BMP2K: variants seen among roughly 807,000 people sequenced by gnomAD.
The protein encoded by BMP2K is BMP2 inducible kinase.
BMP2K carries 74 observed loss-of-function variants against 116.0 expected under a neutral mutation model. The observed-to-expected ratio is 0.64, with a 90% confidence interval of 0.53 to 0.77. The LOEUF is 0.77. Among genes scored for constraint, BMP2K ranks in the 30% least tolerant of loss-of-function variants. BMP2K has a pLI of 0.00. For missense variants in BMP2K, 1,365 were observed against 1,403.6 expected (o/e 0.97, Z 0.44); for synonymous variants, 486 against 502.5 (o/e 0.97, Z 0.44).
chr4:78,902,814 C>T (rs1222463534), intron 15 of BMP2K, among the ~76,000 whole-genome samples: 6 of 152,014 alleles, frequency 3.9e-5, no homozygotes, highest in African/African-American at 9.7e-5. Context: ...AAACATGCTT[C>T]TCTCTTCATA....
At chr4:78,809,510 T>A (rs1015560040) in intron 1 of BMP2K, among the ~76,000 whole-genome samples, 2 of 152,128 alleles carry the variant, frequency 1.3e-5, no homozygotes, top group Non-Finnish European at 1.5e-5. Context: ...CCTGAGTAGC[T>A]GGGACCACAG....
In BMP2K at chr4:78,912,079, G is replaced by A. The variant is rs375459273; in HGVS notation, c.*46G>A. 3.3e-5 allele frequency: 50 copies of A among 1,512,334 alleles called. No homozygotes were observed. Among genetic ancestry groups the A allele is most frequent in the Non-Finnish European group, 4.3e-5 (48 of 1,118,582 alleles). 93.7% of individuals were successfully genotyped at this position (1,512,334 alleles called of 1,614,324 possible). A position where few individuals can be genotyped will look rare whatever the true frequency, so the allele number is the denominator to read the frequency against. Reference sequence around the variant, plus strand: ...GCATTAACTCCTGTTTCAAAAAAGTGTGAACAGTTTTATGAATTTGAAAGA... The same window carrying A: ...GCATTAACTCCTGTTTCAAAAAAGTATGAACAGTTTTATGAATTTGAAAGA... On this transcript the variant is annotated 3_prime_UTR_variant, in exon 16 of 16. Transcript: ENST00000502613.
intron 7 of BMP2K, chr4:78,859,374 C>A: frequency 2.7e-6 from 1 of 369,910 alleles, no homozygotes; most frequent in Non-Finnish European, 4.8e-6. Context: ...TAGAGCTGTT[C>A]TGTGATTGAT....
At chr4:78,877,454 C>T (rs1167881970) in intron 13 of BMP2K, among the ~76,000 whole-genome samples, 1 of 152,014 alleles carries the variant, frequency 6.6e-6, no homozygotes, top group South Asian at 2.1e-4. Flanking sequence ...ACACACACAT[C>T]AGCCCGGGCC....
intron 9 of BMP2K, among the ~76,000 whole-genome samples, chr4:78,863,857 T>A (rs547703985): frequency 1.6e-4 from 24 of 152,306 alleles, no homozygotes; most frequent in Middle Eastern, 6.8e-3. Context: ...CCCCAGTTTC[T>A]ACCTGAAGCC....
Position 78,776,614 on chromosome 4 carries a change from G to A in BMP2K, c.71G>A (p.Gly24Asp), listed in dbSNP as rs960249287. ...GGCGGAGCGGCGGGTGGCGGGGCTG[G>A]CGGGGCCGGGGCCGGGGCCGGCTGC... ...SGGGAAGGGA[G>D]GAGAGAGCGS... Residue 24 changes from glycine to aspartate, a missense_variant, in exon 1 of 16, where the codon GGC becomes GAC. Physicochemically the swap from Gly to Asp is moderately conservative, Grantham distance 94 (BLOSUM62 -1). This residue lies in a region of BMP2K where 762 missense variants were observed against 756.7 expected (regional missense o/e 1.01). Transcript: ENST00000502613. The A allele has an allele frequency of 1.7e-5, 20 of 1,199,704 alleles. No individual in the cohort carries two copies. The highest frequency in any genetic ancestry group is 2.0e-5 in the Non-Finnish European group (19 of 963,938). The allele number at this position is 1,199,704 out of a possible 1,614,324, so 74.3% of individuals were successfully genotyped here.
chr4:78,858,687 C>G (rs1453231868), intron 7 of BMP2K, among the ~76,000 whole-genome samples: 3 of 151,720 alleles, frequency 2.0e-5, no homozygotes, highest in African/African-American at 7.3e-5. Flanking sequence ...TTAGATCTCT[C>G]TATACATTAT....
Position 78,865,593 on chromosome 4 carries a change from T to A in BMP2K, c.1104T>A (p.Ile368=), listed in dbSNP as rs770369400. Residue 368 remains isoleucine, a synonymous_variant, in exon 10 of 16, where the codon ATT becomes ATA. Transcript: ENST00000502613. ...TDTIGPTETS[I]APRQRPKANS... ...CCATTGGACCAACAGAAACCTCAAT[T>A]GCACCAAGACAAAGACCAAAGGCCA... 6.2e-7 allele frequency: 1 copy of A among 1,614,048 alleles called. No individual in the cohort carries two copies. The highest frequency in any genetic ancestry group is 2.2e-5 in the East Asian group (1 of 44,876).
chr4:78,878,930 A>T (rs1192233990), intron 14 of BMP2K, 39 bp downstream of exon 14: 2 of 1,589,382 alleles, frequency 1.3e-6, no homozygotes, highest in Non-Finnish European at 1.7e-6. Flanking sequence ...TTCACAGTAA[A>T]ATAACAGCTC....
chr4:78,908,055 T>C (rs1451756168), intron 15 of BMP2K, among the ~76,000 whole-genome samples: 1 of 152,230 alleles, frequency 6.6e-6, no homozygotes, highest in African/African-American at 2.4e-5. Flanking sequence ...ATATCATAAA[T>C]ACGCTGTGTA....
At position 78,796,041 on chromosome 4, in the gene BMP2K, G is replaced by A. The variant is rs1378337087; in HGVS notation, c.178+19320G>A. Among the ~76,000 whole-genome samples, 6 of 152,046 alleles carry A rather than the reference G, an allele frequency of 3.9e-5. No individual in the cohort carries two copies. In the East Asian group the frequency reaches 1.2e-3, roughly 30 times the overall value. ...TTTGACCCAGCCATCCCATTACTGGGTATATACCCAAAGGACTATAAATCA... is the reference window on the plus strand; with the variant it reads ...TTTGACCCAGCCATCCCATTACTGGATATATACCCAAAGGACTATAAATCA... On this transcript the variant is annotated intron_variant, in intron 1 of 15. Transcript: ENST00000502613.
At chr4:78,892,298 T>C (rs894754867) in intron 15 of BMP2K, among the ~76,000 whole-genome samples, 1 of 152,106 alleles carries the variant, frequency 6.6e-6, no homozygotes, top group African/African-American at 2.4e-5. Flanking sequence ...TTTTCTTACA[T>C]TGTAAATTTT....
chr4:78,865,108 C>T (rs549514972), intron 9 of BMP2K, among the ~76,000 whole-genome samples: 1 of 152,206 alleles, frequency 6.6e-6, no homozygotes, highest in South Asian at 2.1e-4. Flanking sequence ...TTTAACGTGC[C>T]CTAGGCCACA....
At chr4:78,823,315 A>G (rs975535526) in intron 1 of BMP2K, among the ~76,000 whole-genome samples, 1 of 152,042 alleles carries the variant, frequency 6.6e-6, no homozygotes, top group African/African-American at 2.4e-5. Context: ...TATAGGATCC[A>G]TGGTTCCTCT....
At position 78,878,762 on chromosome 4, in the gene BMP2K, A is replaced by G. The variant is rs770364941; in HGVS notation, c.1822A>G (p.Asn608Asp). ...AGTTGCTGATAAAGAGGCCATTGCA[A>G]ATTTCACAAATCAGAAGAACATCAG... ...RSVADKEAIA[N>D]FTNQKNISNP... The change falls in exon 14 of 16, where the codon AAT becomes GAT. Residue 608 changes from asparagine (N) to aspartate (D), a missense_variant. Physicochemically the swap from Asn to Asp is conservative, Grantham distance 23. This residue lies in a region of BMP2K where 762 missense variants were observed against 756.7 expected (regional missense o/e 1.01). Transcript: ENST00000502613. The G allele has an allele frequency of 1.2e-6, 2 of 1,612,252 alleles. No individual in the cohort carries two copies. The highest frequency in any genetic ancestry group is 8.5e-7 in the Non-Finnish European group (1 of 1,179,498).
intron 1 of BMP2K, among the ~76,000 whole-genome samples, chr4:78,825,518 A>G (rs1001372710): frequency 6.6e-6 from 1 of 152,236 alleles, no homozygotes; most frequent in Non-Finnish European, 1.5e-5. Flanking sequence ...TCAATTAGCA[A>G]GAACTAGTTA....
chr4:78,791,671 C>G (rs1165636136), intron 1 of BMP2K, among the ~76,000 whole-genome samples: 3 of 152,096 alleles, frequency 2.0e-5, no homozygotes, highest in African/African-American at 7.2e-5. Flanking sequence ...TTTGACTATT[C>G]TAGGTATCTT....
chr4:78,802,456 A>G (rs1463246651), intron 1 of BMP2K, among the ~76,000 whole-genome samples: 1 of 152,228 alleles, frequency 6.6e-6, no homozygotes, highest in East Asian at 1.9e-4. Context: ...AAATTTTAAC[A>G]TAGTCAAACT....
At chr4:78,832,847 C>T (rs971255060) in intron 2 of BMP2K, among the ~76,000 whole-genome samples, 2 of 151,846 alleles carry the variant, frequency 1.3e-5, no homozygotes, top group East Asian at 1.9e-4. Context: ...TGGCCCTTAG[C>T]CCTTATTTCA....
Sources: gnomAD v4.1 joint callset for allele counts (sites outside exome capture counted in the v4.1 genomes callset) on GRCh38, gnomAD v4.1.1 for gene constraint, gnomAD v4.1.1 regional missense constraint, MANE v1.5 for transcripts, NCBI Gene and HGNC (gene_info 2026-07-23, HGNC 2026-07-21) for gene names.